The following HAO1 variants were observed in gnomAD, a reference collection of about 807,000 sequenced individuals.
HAO1 encodes the protein hydroxyacid oxidase 1.
A neutral mutation model predicts 39.7 loss-of-function variants in HAO1; 34 were observed. That is an observed-to-expected ratio of 0.86 (90% CI 0.65 to 1.14). The LOEUF (loss-of-function observed/expected upper bound fraction) is 1.14. HAO1 is among the 50% of genes most tolerant of loss of function. HAO1 has a pLI of 0.00. For missense variants in HAO1, 479 were observed against 464.5 expected, an observed-to-expected ratio of 1.03 and a Z score of -0.29; for synonymous variants, 172 against 173.2, an observed-to-expected ratio of 0.99 and a Z score of 0.05.
chr20:7,906,034 G>T, intron 4 of HAO1, 120 bp downstream of exon 4: 2 of 745,994 alleles, frequency 2.7e-6, no homozygotes, highest in Non-Finnish European at 4.7e-6. Flanking sequence ...ATTGAGAGTT[G>T]GAATGTCTCT....
intron 7 of HAO1, among the ~76,000 whole-genome samples, chr20:7,884,994 C>T (rs1461611430): frequency 6.6e-6 from 1 of 152,036 alleles, no homozygotes; most frequent in Non-Finnish European, 1.5e-5. Flanking sequence ...AGGTCAGATT[C>T]TGATTATATT....
intron 2 of HAO1, among the ~76,000 whole-genome samples, chr20:7,922,985 A>G (rs1225660251): frequency 6.6e-6 from 1 of 152,070 alleles, no homozygotes. Flanking sequence ...CATAATAAAG[A>G]TTTCTATTAG....
chr20:7,922,562 G>C (rs2050338525), intron 2 of HAO1, among the ~76,000 whole-genome samples: 1 of 152,084 alleles, frequency 6.6e-6, no homozygotes, highest in Admixed American at 6.6e-5. Flanking sequence ...TATAGGGAGA[G>C]AATATCTAAG....
intron 3 of HAO1, among the ~76,000 whole-genome samples, chr20:7,909,055 G>A (rs761802311): frequency 1.3e-5 from 2 of 151,970 alleles, no homozygotes; most frequent in Non-Finnish European, 2.9e-5. Context: ...TCCCAAACAA[G>A]CTCCAGTGTT....
At chr20:7,933,082 T>G (rs557935549) in intron 2 of HAO1, among the ~76,000 whole-genome samples, 14 of 152,324 alleles carry the variant, frequency 9.2e-5, no homozygotes, top group African/African-American at 3.4e-4. Flanking sequence ...ATTAATGAAA[T>G]TGAATATTTT....
At chr20:7,932,914 C>T (rs1292103532) in intron 2 of HAO1, among the ~76,000 whole-genome samples, 1 of 152,016 alleles carries the variant, frequency 6.6e-6, no homozygotes, top group African/African-American at 2.4e-5. Flanking sequence ...TATACAGTGC[C>T]AGATTATTTT....
At chr20:7,916,916 A>G (rs575488537) in intron 2 of HAO1, among the ~76,000 whole-genome samples, 31 of 152,196 alleles carry the variant, frequency 2.0e-4, no homozygotes, top group Non-Finnish European at 3.2e-4. Context: ...CATATAGACC[A>G]TTGTCTGATT....
intron 1 of HAO1, among the ~76,000 whole-genome samples, chr20:7,938,616 G>C (rs1005022541): frequency 2.0e-5 from 3 of 152,120 alleles, no homozygotes; most frequent in African/African-American, 7.2e-5. Flanking sequence ...CATTTTAAAG[G>C]GTTGCATAGG....
At chr20:7,909,213 T>G (rs1349486239) in intron 3 of HAO1, among the ~76,000 whole-genome samples, 1 of 151,772 alleles carries the variant, frequency 6.6e-6, no homozygotes, top group Admixed American at 6.6e-5. Context: ...CAGTGCACAA[T>G]GAAGCCTTGT....
At chr20:7,937,829 T>G (rs1180653762) in intron 1 of HAO1, among the ~76,000 whole-genome samples, 1 of 152,236 alleles carries the variant, frequency 6.6e-6, no homozygotes, top group Non-Finnish European at 1.5e-5. Flanking sequence ...TAAGAAATTT[T>G]GTTCTGGGTG....
chr20:7,894,239 C>G lies in HAO1; in HGVS notation c.813+894G>C, dbSNP rs184797022. On this transcript the variant is annotated intron_variant, in intron 5 of 7. Transcript: ENST00000378789. ...CATTTCTGGACCCCCAGTCTCTGAT[C>G]TTAAAATCTGCCCTAAGTGCCTCTG... Among the ~76,000 whole-genome samples, 293 of 152,250 alleles carry G rather than the reference C, an allele frequency of 1.9e-3. 1 individual carries two copies. The highest frequency in any genetic ancestry group is 6.7e-3 in the African/African-American group (279 of 41,550).
At chr20:7,936,621 T>C (rs2050413575) in intron 1 of HAO1, among the ~76,000 whole-genome samples, 1 of 151,122 alleles carries the variant, frequency 6.6e-6, no homozygotes, top group Non-Finnish European at 1.5e-5. Flanking sequence ...AAAGCAAAGC[T>C]GAATCCTTCC....
rs191489678 is a variant in HAO1, at chr20:7,903,518, G to A, written c.721+2636C>T. Among the ~76,000 whole-genome samples, 48 of 151,816 alleles carry A rather than the reference G, an allele frequency of 3.2e-4. No individual in the cohort carries two copies. The East Asian group carries it at 9.2e-3, about 29-fold the overall frequency. On this transcript the variant is annotated intron_variant, in intron 4 of 7. Coordinates refer to ENST00000378789, the MANE Select transcript of HAO1 (RefSeq NM_017545.3). The stretch of plus-strand genomic sequence containing the variant: ...TAGGAGTGGTGGAGGTGGTAGTGGT[G>A]ATACTGGTGGTGGTGGTGGAGGTGG...
chr20:7,889,195 G>A (rs1440810886), intron 5 of HAO1, among the ~76,000 whole-genome samples: 1 of 151,600 alleles, frequency 6.6e-6, no homozygotes, highest in Non-Finnish European at 1.5e-5. Flanking sequence ...TCTTTTTATA[G>A]AAGAAAATTT....
chr20:7,904,977 A>G lies in HAO1; in HGVS notation c.721+1177T>C, dbSNP rs545557115. On this transcript the variant is annotated intron_variant, in intron 4 of 7. Transcript: ENST00000378789. ...CAAACCAATACATATTCATTGAAGT[A>G]TAATCCACAAAAATTTTGAACTAGG... Among the ~76,000 whole-genome samples, 8 of 152,322 alleles carry G rather than the reference A, an allele frequency of 5.3e-5. No homozygotes were observed. In the South Asian group the frequency reaches 1.7e-3, roughly 32 times the overall value.
chr20:7,929,019 T>G (rs2050374395), intron 2 of HAO1, among the ~76,000 whole-genome samples: 1 of 152,144 alleles, frequency 6.6e-6, no homozygotes, highest in Admixed American at 6.5e-5. Context: ...ACATGCAATC[T>G]CAGACTCACT....
chr20:7,884,839 G>A (rs568050514), intron 7 of HAO1, among the ~76,000 whole-genome samples: 1 of 152,242 alleles, frequency 6.6e-6, no homozygotes, highest in East Asian at 1.9e-4. Flanking sequence ...CTCAATGAAT[G>A]TTTAAAAGAA....
At chr20:7,928,278 T>G (rs769613358) in intron 2 of HAO1, among the ~76,000 whole-genome samples, 11 of 152,104 alleles carry the variant, frequency 7.2e-5, no homozygotes, top group Non-Finnish European at 1.0e-4. Flanking sequence ...TGACATAAAG[T>G]GCGTCTAAAC....
intron 5 of HAO1, among the ~76,000 whole-genome samples, chr20:7,894,786 T>C (rs1021820987): frequency 7.9e-5 from 12 of 152,196 alleles, no homozygotes; most frequent in East Asian, 7.7e-4. Flanking sequence ...TGTTAGCTCA[T>C]GTCCTTGGAC....
Sources: gnomAD v4.1 joint callset for allele counts (sites outside exome capture counted in the v4.1 genomes callset) on GRCh38, gnomAD v4.1.1 for gene constraint, MANE v1.5 for transcripts, NCBI Gene and HGNC (gene_info 2026-07-23, HGNC 2026-07-21) for gene names.